The following RAB3GAP2 variants were observed in gnomAD, a reference collection of about 807,000 sequenced individuals.
RAB3GAP2 encodes the protein rab3 GTPase-activating protein non-catalytic subunit.
A neutral mutation model predicts 185.3 loss-of-function variants in RAB3GAP2; 87 were observed. The observed-to-expected ratio is 0.47, with a 90% CI of 0.39 to 0.56. The LOEUF (loss-of-function observed/expected upper bound fraction) is 0.56. Ranked by LOEUF, RAB3GAP2 falls within the 20% of genes least tolerant of loss-of-function variation. The probability of loss-of-function intolerance (pLI) is 0.00; values close to 1 mark genes in which losing one functional copy is unlikely to be tolerated. For synonymous variants in RAB3GAP2, 554 were observed against 576.1 expected, an observed-to-expected ratio of 0.96 and a Z score of 0.55; for missense variants, 1,492 against 1,638.2, an observed-to-expected ratio of 0.91 and a Z score of 1.54.
Position 220,193,372 on chromosome 1 carries a change from G to C in RAB3GAP2, c.1138C>G (p.Leu380Val). The C allele has an allele frequency of 6.2e-7, 1 of 1,613,608 alleles. No individual in the cohort carries two copies. The highest frequency in any genetic ancestry group is 8.5e-7 in the Non-Finnish European group (1 of 1,179,816). ...PATPLAVRFG[L>V]PDSRRHGESI... ...TCACCATGGCGTCTAGAATCTGGAA[G>C]TCCAAATCTGATATTTAAAAGAAAA... The change falls in exon 13 of 35, where the codon CTT becomes GTT. Residue 380 changes from leucine (L) to valine (V), a missense_variant. Physicochemically the swap from Leu to Val is conservative, Grantham distance 32 (BLOSUM62 1). Transcript: ENST00000358951.
chr1:220,164,892 G>T, intron 26 of RAB3GAP2, 93 bp from the exon 27 acceptor site: 1 of 1,215,240 alleles, frequency 8.2e-7, no homozygotes, highest in Non-Finnish European at 1.2e-6. Flanking sequence ...ATAAATTTCT[G>T]CATAAAACCA....
intron 17 of RAB3GAP2, among the ~76,000 whole-genome samples, chr1:220,186,263 A>G (rs1192806742): frequency 6.6e-6 from 1 of 152,136 alleles, no homozygotes; most frequent in Non-Finnish European, 1.5e-5. Flanking sequence ...ATTCTTCATA[A>G]CCAGTCCCAA....
intron 2 of RAB3GAP2, among the ~76,000 whole-genome samples, chr1:220,217,085 G>A (rs1226635867): frequency 6.6e-6 from 1 of 151,958 alleles, no homozygotes; most frequent in African/African-American, 2.4e-5. Flanking sequence ...GTTAAGGGAT[G>A]TGCTCCAGCC....
chr1:220,153,050 A>G (rs1309279979), intron 33 of RAB3GAP2, 135 bp downstream of exon 33: 2 of 720,440 alleles, frequency 2.8e-6, no homozygotes, highest in East Asian at 2.7e-5. Flanking sequence ...AAAATATTCT[A>G]TTGTTCTATT....
chr1:220,160,277 T>C (rs1657941493), intron 28 of RAB3GAP2, among the ~76,000 whole-genome samples: 1 of 152,124 alleles, frequency 6.6e-6, no homozygotes, highest in Non-Finnish European at 1.5e-5. Context: ...AAATACTACT[T>C]GATAAGAGAG....
rs567659436 is a variant in RAB3GAP2, at chr1:220,230,345, C to T, written c.180+2454G>A. ...GCAAAAGCCATGCAATAGTTTAAAT[C>T]CGGAGTAAGCAGCAACCAGTCAGTC... is the stretch of plus-strand genomic sequence containing the variant. On this transcript the variant is annotated intron_variant, in intron 2 of 34. Coordinates refer to ENST00000358951, the MANE Select transcript of RAB3GAP2 (RefSeq NM_012414.4). 6.6e-5 allele frequency among the ~76,000 whole-genome samples: 10 copies of T among 152,312 alleles called. No individual in the cohort carries two copies. In the South Asian group the frequency reaches 1.7e-3, roughly 25 times the overall value.
intron 19 of RAB3GAP2, among the ~76,000 whole-genome samples, chr1:220,183,795 T>C (rs2102865945): frequency 6.6e-6 from 1 of 152,292 alleles, no homozygotes; most frequent in African/African-American, 2.4e-5. Flanking sequence ...TTTTATATAC[T>C]ATATGTACAA....
At chr1:220,267,548 T>TG in intron 1 of RAB3GAP2, 1 of 1,395,412 alleles carries the variant, frequency 7.2e-7, no homozygotes, top group Non-Finnish European at 1.0e-6. Flanking sequence ...TGCCTCTTTT[T>TG]GATTCTTCAT....
intron 1 of RAB3GAP2, among the ~76,000 whole-genome samples, chr1:220,259,797 G>A (rs768551384): frequency 9.2e-5 from 14 of 152,116 alleles, no homozygotes; most frequent in Non-Finnish European, 1.8e-4. Context: ...TTGTCAGAGT[G>A]AACTGATAAT....
At chr1:220,254,261 C>A (rs1571931258) in intron 1 of RAB3GAP2, 2 of 1,613,386 alleles carry the variant, frequency 1.2e-6, no homozygotes, top group East Asian at 2.2e-5. Context: ...ATGTTGGGTA[C>A]CCAGCTACTC....
chr1:220,168,498 A>C (rs1408834997), intron 24 of RAB3GAP2, among the ~76,000 whole-genome samples: 1 of 151,976 alleles, frequency 6.6e-6, no homozygotes, highest in Non-Finnish European at 1.5e-5. Flanking sequence ...CCCAGGTACA[A>C]GGGATTATCC....
chr1:220,195,603 G>T (rs961958281), intron 10 of RAB3GAP2, among the ~76,000 whole-genome samples: 2 of 152,138 alleles, frequency 1.3e-5, no homozygotes, highest in Non-Finnish European at 2.9e-5. Context: ...TTTACCATTA[G>T]AATTTCTCTC....
At chr1:220,267,041 G>C (rs1211128316) in intron 1 of RAB3GAP2, 2 of 1,611,404 alleles carry the variant, frequency 1.2e-6, no homozygotes, top group South Asian at 1.1e-5. Flanking sequence ...AGGTAGTCCA[G>C]GGTGCCACAG....
intron 25 of RAB3GAP2, 29 bp from the exon 26 acceptor site, chr1:220,167,428 A>AT: frequency 1.2e-6 from 2 of 1,613,068 alleles, no homozygotes; most frequent in South Asian, 2.2e-5. Context: ...CAGTGATGTT[A>AT]TTTTTTTCCT....
At chr1:220,191,347 G>GGAGCCCATCTCAAAAAAATAA in intron 13 of RAB3GAP2, 63 bp from the exon 14 acceptor site, 1 of 503,810 alleles carries the variant, frequency 2.0e-6, no homozygotes, top group Non-Finnish European at 3.3e-6. Flanking sequence ...GCCTCCTGAA[G>GGAGCCCATCTCAAAAAAATAA]TACTCTGGAA....
chr1:220,179,265 A>G (rs929216281), intron 21 of RAB3GAP2, among the ~76,000 whole-genome samples: 5 of 151,140 alleles, frequency 3.3e-5, no homozygotes, highest in African/African-American at 1.2e-4. Flanking sequence ...AAAAAAAAAA[A>G]AAGAAGACAA....
intron 19 of RAB3GAP2, 45 bp from the exon 20 acceptor site, chr1:220,182,976 C>T (rs1005418048): frequency 1.6e-5 from 24 of 1,473,038 alleles, no homozygotes; most frequent in Non-Finnish European, 2.1e-5. Context: ...ACATCTATCA[C>T]CCACATTATC....
Position 220,272,209 on chromosome 1 carries a change from A to C in RAB3GAP2, c.115+14T>G, listed in dbSNP as rs1408145606. The stretch of plus-strand genomic sequence containing the variant: ...TGACGAGGGAAGGAAGGGCGAGGCC[A>C]GAGAGGCACTTACTGGGGTCCCTCC... On this transcript the variant is annotated intron_variant, in intron 1 of 34. Coordinates refer to ENST00000358951, the MANE Select transcript of RAB3GAP2 (RefSeq NM_012414.4). The C allele has an allele frequency of 6.3e-7, 1 of 1,588,504 alleles. No homozygotes were observed. Among genetic ancestry groups the C allele is most frequent in the Non-Finnish European group, 8.6e-7 (1 of 1,165,154 alleles).
At chr1:220,218,849 TA>T (rs1659249367) in intron 2 of RAB3GAP2, among the ~76,000 whole-genome samples, 1 of 152,168 alleles carries the variant, frequency 6.6e-6, no homozygotes. Flanking sequence ...GGAGCAGCTG[TA>T]TACCTATTCC....
Sources: gnomAD v4.1 joint callset for allele counts (sites outside exome capture counted in the v4.1 genomes callset) on GRCh38, gnomAD v4.1.1 for gene constraint, MANE v1.5 for transcripts, NCBI Gene and HGNC (gene_info 2026-07-23, HGNC 2026-07-21) for gene names.